Variants in SLCO1A2 observed in about 807,000 individuals in gnomAD.
SLCO1A2 encodes the protein solute carrier organic anion transporter family member 1A2, also known as OATP-1.
A neutral mutation model predicts 69.0 loss-of-function variants in SLCO1A2; 67 were observed. That is an observed-to-expected ratio of 0.97 (90% CI 0.80 to 1.19). The LOEUF (loss-of-function observed/expected upper bound fraction) is 1.19. Among genes scored for constraint, SLCO1A2 ranks in the 50% most tolerant of loss-of-function variants. The pLI, the probability that SLCO1A2 is intolerant of heterozygous loss-of-function variation, is 0.00. For synonymous variants in SLCO1A2, 260 were observed against 265.9 expected (o/e 0.98, Z 0.22); for missense variants, 787 against 793.7 (o/e 0.99, Z 0.10).
intron 2 of SLCO1A2, among the ~76,000 whole-genome samples, chr12:21,327,576 G>A (rs989674488): frequency 1.3e-5 from 2 of 152,176 alleles, no homozygotes; most frequent in Non-Finnish European, 1.5e-5. Context: ...TTGCATCAGT[G>A]TGACCTGGAT....
chr12:21,293,689 C>G (rs2900480), intron 11 of SLCO1A2, among the ~76,000 whole-genome samples: 26,144 of 151,792 alleles, frequency 0.17, 2,814 homozygotes, highest in African/African-American at 0.3. Context: ...AGAGTATTTA[C>G]AACCCAAATT....
chr12:21,301,065 T>A, intron 7 of SLCO1A2, 106 bp downstream of exon 7: 1 of 575,252 alleles, frequency 1.7e-6, no homozygotes, highest in Non-Finnish European at 2.9e-6. Context: ...AAAGTAGAGA[T>A]CATTTATCAA....
Position 21,269,482 on chromosome 12 carries a change from A to AT in SLCO1A2, c.*65dup. 2.3e-5 allele frequency: 29 copies of AT among 1,250,178 alleles called. No individual in the cohort carries two copies. The highest frequency in any genetic ancestry group is 3.2e-5 in the Non-Finnish European group (28 of 887,482). The allele number at this position is 1,250,178 out of a possible 1,614,324, so 77.4% of individuals were successfully genotyped here. A position where few individuals can be genotyped will look rare whatever the true frequency, so the allele number is the denominator to read the frequency against. On this transcript the variant is annotated 3_prime_UTR_variant, in exon 15 of 15. Transcript: ENST00000683939. ...AAAGTTATCTATTATATCTCTACTG[A>AT]TTTTTAAAACAATTAAGTTGTACAG...
At chr12:21,286,069 G>A (rs1381820117) in intron 12 of SLCO1A2, among the ~76,000 whole-genome samples, 1 of 151,718 alleles carries the variant, frequency 6.6e-6, no homozygotes, top group Admixed American at 6.6e-5. Context: ...AAGTCAAATT[G>A]TCCCTGTTTG....
chr12:21,396,939 C>T (rs558659621), upstream of SLCO1A2, among the ~76,000 whole-genome samples: 165 of 151,614 alleles, frequency 1.1e-3, no homozygotes, highest in South Asian at 3.4e-3. Flanking sequence ...TAAAGACCAT[C>T]GAGACTAGGA....
chr12:21,281,444 C>T (rs1376169358), intron 12 of SLCO1A2, among the ~76,000 whole-genome samples: 5 of 148,226 alleles, frequency 3.4e-5, no homozygotes, highest in East Asian at 3.9e-4. Context: ...AGTGAGACTC[C>T]GTCTCAAAAA....
chr12:21,330,414 G>A (rs900244258), intron 2 of SLCO1A2, among the ~76,000 whole-genome samples: 1 of 152,076 alleles, frequency 6.6e-6, no homozygotes, highest in Non-Finnish European at 1.5e-5. Context: ...AGAAGGCTGA[G>A]GGGAGGATTT....
Position 21,300,417 on chromosome 12 carries a change from T to C in SLCO1A2, c.841A>G (p.Ile281Val), listed in dbSNP as rs11568551. ...PKEGLETNAD[I>V]IKNENEDKQK... ...TTGTCTTCATTTTCATTTTTAATGATGTCAGCATTAGTCTCTAGTCCTTCC... is the reference window on the plus strand; with the variant it reads ...TTGTCTTCATTTTCATTTTTAATGACGTCAGCATTAGTCTCTAGTCCTTCC... The change falls in exon 8 of 15, where the codon ATC becomes GTC. Residue 281 changes from isoleucine (I) to valine (V), a missense_variant. By Grantham distance (29) the Ile-to-Val change is conservative. Coordinates refer to ENST00000683939, the MANE Select transcript of SLCO1A2 (RefSeq NM_001386879.1). 230 of 1,613,656 alleles carry C rather than the reference T, an allele frequency of 1.4e-4. 3 individuals are homozygous for C. The East Asian group carries it at 2.5e-3, about 17-fold the overall frequency.
chr12:21,386,325 TA>T (rs1414569762), intron 1 of SLCO1A2, among the ~76,000 whole-genome samples: 2 of 152,140 alleles, frequency 1.3e-5, no homozygotes, highest in Non-Finnish European at 2.9e-5. Context: ...AAATAATGTA[TA>T]AAAAGCCCTT....
At chr12:21,322,955 G>A (rs1951820975) in intron 2 of SLCO1A2, among the ~76,000 whole-genome samples, 1 of 152,152 alleles carries the variant, frequency 6.6e-6, no homozygotes, top group African/African-American at 2.4e-5. Flanking sequence ...CATTGTGGGG[G>A]TGGCATGGCT....
intron 2 of SLCO1A2, among the ~76,000 whole-genome samples, chr12:21,372,518 G>A (rs1235227897): frequency 1.3e-5 from 2 of 152,058 alleles, no homozygotes; most frequent in African/African-American, 4.8e-5. Context: ...AGCCATTGAG[G>A]TCACTTGGGT....
chr12:21,271,446 T>G (rs901155513), intron 14 of SLCO1A2, among the ~76,000 whole-genome samples: 5 of 145,734 alleles, frequency 3.4e-5, no homozygotes, highest in Admixed American at 2.7e-4. Flanking sequence ...ATTGTTTCAA[T>G]TATTCTTATT....
At position 21,265,114 on chromosome 12, in the gene SLCO1A2, G is replaced by A. The variant is rs895705594; in HGVS notation, c.*4434C>T. On this transcript the variant is annotated 3_prime_UTR_variant, in exon 15 of 15. Coordinates refer to ENST00000683939, the MANE Select transcript of SLCO1A2 (RefSeq NM_001386879.1). ...TATTAAAATAAAACATCAATTGTAT[G>A]AGTGTAATAGACATTCTAGTTCTTC... 6.6e-6 allele frequency: 1 copy of A among 152,222 alleles called. No individual in the cohort carries two copies. The highest frequency in any genetic ancestry group is 1.5e-5 in the Non-Finnish European group (1 of 68,038). The allele number at this position is 152,222 out of a possible 1,614,324, so 9.4% of individuals were successfully genotyped here.
chr12:21,380,918 C>T (rs1940549282), intron 1 of SLCO1A2, among the ~76,000 whole-genome samples: 1 of 146,096 alleles, frequency 6.8e-6, no homozygotes, highest in East Asian at 2.1e-4. Context: ...TATCAGGCGA[C>T]TATCAGCTGA....
intron 4 of SLCO1A2, among the ~76,000 whole-genome samples, chr12:21,309,059 T>A (rs1280786295): frequency 2.6e-5 from 4 of 152,070 alleles, no homozygotes; most frequent in Admixed American, 2.0e-4. Flanking sequence ...AAAGGGACAT[T>A]CAAAGAATAA....
intron 1 of SLCO1A2, among the ~76,000 whole-genome samples, chr12:21,391,862 C>T (rs897622570): frequency 6.6e-6 from 1 of 152,278 alleles, no homozygotes; most frequent in East Asian, 1.9e-4. Flanking sequence ...CCTCCCACTA[C>T]ATCAGGTCCA....
intron 2 of SLCO1A2, among the ~76,000 whole-genome samples, chr12:21,325,821 G>A (rs1029020645): frequency 2.0e-5 from 3 of 152,096 alleles, no homozygotes; most frequent in Non-Finnish European, 4.4e-5. Flanking sequence ...ATTATTCTTT[G>A]TTAATTACCC....
intron 1 of SLCO1A2, among the ~76,000 whole-genome samples, chr12:21,406,258 C>T (rs1345331330): frequency 6.6e-6 from 1 of 152,124 alleles, no homozygotes; most frequent in Non-Finnish European, 1.5e-5. Context: ...TTCTAAAATC[C>T]CTTTTAGAAT....
Position 21,269,436 on chromosome 12 carries a change from T to C in SLCO1A2, c.*112A>G. 1.5e-6 allele frequency: 1 copy of C among 683,978 alleles called. No individual in the cohort carries two copies. The highest frequency in any genetic ancestry group is 2.3e-6 in the Non-Finnish European group (1 of 427,434). 42.4% of individuals were successfully genotyped at this position (683,978 alleles called of 1,614,324 possible). ...TTATTATTTTGAGTTAAGAGGTTTT[T>C]TAGGTTCTTAAAGACAAGAAAAAGT... On this transcript the variant is annotated 3_prime_UTR_variant, in exon 15 of 15. Transcript: ENST00000683939.
Sources: gnomAD v4.1 joint callset for allele counts (sites outside exome capture counted in the v4.1 genomes callset) on GRCh38, gnomAD v4.1.1 for gene constraint, MANE v1.5 for transcripts, NCBI Gene and HGNC (gene_info 2026-07-23, HGNC 2026-07-21) for gene names.